Variants in SYNM observed in about 807,000 individuals in gnomAD.
SYNM encodes the protein desmuslin.
A neutral mutation model predicts 104.0 loss-of-function variants in SYNM; 95 were observed. The ratio of observed to expected loss-of-function variants is 0.91; its 90% CI spans 0.77 to 1.08. SYNM has a LOEUF of 1.08. SYNM is among the 50% of genes least tolerant of loss of function. SYNM has a pLI of 0.00. For missense variants in SYNM, 2,150 were observed against 2,052.2 expected, an observed-to-expected ratio of 1.05 and a Z score of -0.92; for synonymous variants, 918 against 869.0, an observed-to-expected ratio of 1.06 and a Z score of -0.99.
In SYNM at chr15:99,132,515, A is replaced by T; in HGVS notation, c.4155A>T (p.Ala1385=). The change falls in exon 4 of 4, where the codon GCA becomes GCT. Residue 1385 remains alanine (A), a synonymous_variant. Transcript: ENST00000336292. ...CTGAATCTCCCCAGGAGGATAGTGC[A>T]GAGGACACATCAGGGGCAGAAATGA... ...VVSESPQEDS[A]EDTSGAEMTS... The T allele has an allele frequency of 6.2e-7, 1 of 1,614,056 alleles. No homozygotes were observed. The highest frequency in any genetic ancestry group is 8.5e-7 in the Non-Finnish European group (1 of 1,179,898).
intron 1 of SYNM, among the ~76,000 whole-genome samples, chr15:99,109,435 T>C (rs1304375580): frequency 6.6e-6 from 1 of 152,180 alleles, no homozygotes; most frequent in Admixed American, 6.5e-5. Flanking sequence ...GGAAAAGGCT[T>C]CCAAGCCCCC....
At chr15:99,109,884 T>C (rs62025375) in intron 1 of SYNM, among the ~76,000 whole-genome samples, 11,024 of 152,214 alleles carry the variant, frequency 0.072, 454 homozygotes, top group South Asian at 0.081. Context: ...ACTGCAGGAC[T>C]TGGGCATTTA....
intron 2 of SYNM, among the ~76,000 whole-genome samples, chr15:99,117,268 C>T (rs1242533308): frequency 2.0e-5 from 3 of 152,182 alleles, no homozygotes; most frequent in Non-Finnish European, 4.4e-5. Context: ...CCGAACAGCT[C>T]CAGGCTTAGG....
Position 99,105,912 on chromosome 15 carries a change from G to C in SYNM, c.713G>C (p.Arg238Pro). The change falls in exon 1 of 4, where the codon CGG becomes CCG. Residue 238 changes from arginine to proline, a missense_variant. Coordinates refer to ENST00000336292, the MANE Select transcript of SYNM (RefSeq NM_145728.3). ...RLCAQEAEAL[R>P]REALGLEQLR... The stretch of plus-strand genomic sequence containing the variant: ...TGCGCGCAGGAGGCAGAGGCGCTGC[G>C]GCGCGAGGCGCTCGGGTTGGAGCAG... 2 of 1,532,710 alleles carry C rather than the reference G, an allele frequency of 1.3e-6. No homozygotes were observed. Among genetic ancestry groups the C allele is most frequent in the Non-Finnish European group, 1.7e-6 (2 of 1,144,422 alleles). 94.9% of individuals were successfully genotyped at this position (1,532,710 alleles called of 1,614,324 possible). A position where few individuals can be genotyped will look rare whatever the true frequency, so the allele number is the denominator to read the frequency against.
chr15:99,139,473 A>G, downstream of SYNM: 1 of 1,600,066 alleles, frequency 6.2e-7, no homozygotes, highest in Non-Finnish European at 8.5e-7. Context: ...TCTCCCTTGA[A>G]TGAGAGAAAG....
intron 2 of SYNM, among the ~76,000 whole-genome samples, chr15:99,122,576 C>G (rs536555631): frequency 2.1e-4 from 32 of 152,294 alleles, no homozygotes; most frequent in African/African-American, 7.0e-4. Context: ...TGGCTCACGC[C>G]TGTAATCCTA....
chr15:99,106,589 C>T (rs1236727031), intron 1 of SYNM, among the ~76,000 whole-genome samples: 2 of 152,224 alleles, frequency 1.3e-5, no homozygotes, highest in East Asian at 3.8e-4. Flanking sequence ...AGAGCTTGAT[C>T]GAAGATGTTT....
intron 2 of SYNM, 42 bp from the exon 3 acceptor site, chr15:99,126,680 T>G: frequency 1.3e-6 from 2 of 1,537,458 alleles, no homozygotes; most frequent in Non-Finnish European, 1.8e-6. Context: ...CTTCTTACTC[T>G]TTCGTTTCCT....
intron 2 of SYNM, among the ~76,000 whole-genome samples, chr15:99,114,649 C>T (rs1483777726): frequency 6.6e-6 from 1 of 151,920 alleles, no homozygotes; most frequent in Admixed American, 6.6e-5. Flanking sequence ...TCAAGGTAAC[C>T]AACTCTGATG....
intron 2 of SYNM, among the ~76,000 whole-genome samples, chr15:99,116,385 ACT>A (rs1317945348): frequency 3.3e-5 from 5 of 152,006 alleles, no homozygotes; most frequent in African/African-American, 1.2e-4. Flanking sequence ...AGTGACAGAA[ACT>A]CTCCTCAGAC....
chr15:99,105,225 G>T lies in SYNM; in HGVS notation c.26G>T (p.Gly9Val), dbSNP rs2067218461. ...ATGCTGTCCTGGCGGCTGCAGACGG[G>T]CCCCGAGAAGGCCGAGCTCCAGGAG... MLSWRLQT[G>V]PEKAELQELN... The change falls in exon 1 of 4, where the codon GGC becomes GTC. Residue 9 changes from glycine (G) to valine (V), a missense_variant. Transcript: ENST00000336292. 1.3e-6 allele frequency: 2 copies of T among 1,574,534 alleles called. No individual in the cohort carries two copies. The highest frequency in any genetic ancestry group is 1.7e-6 in the Non-Finnish European group (2 of 1,161,728).
intron 1 of SYNM, among the ~76,000 whole-genome samples, chr15:99,111,345 A>C (rs1173751767): frequency 2.0e-5 from 3 of 152,266 alleles, no homozygotes; most frequent in African/African-American, 7.2e-5. Context: ...GGACACACAT[A>C]CATACATACA....
Position 99,105,263 on chromosome 15 carries a change from C to T in SYNM, c.64C>T (p.Leu22Phe). The T allele has an allele frequency of 1.3e-6, 2 of 1,564,818 alleles. No homozygotes were observed. The highest frequency in any genetic ancestry group is 1.7e-6 in the Non-Finnish European group (2 of 1,155,500). Residue 22 changes from leucine (L) to phenylalanine (F), a missense_variant, in exon 1 of 4, where the codon CTC becomes TTC. Coordinates refer to ENST00000336292, the MANE Select transcript of SYNM (RefSeq NM_145728.3). ...CGAGCTCCAGGAGCTCAACGCCCGGCTCTATGACTACGTGTGTCGGGTGCG... is the reference window on the plus strand; with the variant it reads ...CGAGCTCCAGGAGCTCAACGCCCGGTTCTATGACTACGTGTGTCGGGTGCG... Reference protein sequence around the residue: ...KAELQELNARLYDYVCRVREL... With the variant: ...KAELQELNARFYDYVCRVREL...
Position 99,133,337 on chromosome 15 carries a change from C to T in SYNM, c.*279C>T. On this transcript the variant is annotated 3_prime_UTR_variant, in exon 4 of 4. Coordinates refer to ENST00000336292, the MANE Select transcript of SYNM (RefSeq NM_145728.3). ...TCTCTCCACTTCTGGAGATGAATTT[C>T]TATGTTTTGCACCTGGTCACAGACA... The T allele has an allele frequency of 2.3e-6, 1 of 439,058 alleles. No individual in the cohort carries two copies. Among genetic ancestry groups the T allele is most frequent in the South Asian group, 2.8e-5 (1 of 36,124 alleles). The allele number at this position is 439,058 out of a possible 1,614,324, so 27.2% of individuals were successfully genotyped here.
downstream of SYNM, chr15:99,138,186 C>T (rs2067758222): frequency 6.3e-7 from 1 of 1,593,904 alleles, no homozygotes; most frequent in Admixed American, 1.7e-5. Flanking sequence ...ACACCGTTCC[C>T]ATCCAGCCTT....
In SYNM at chr15:99,132,076, C is replaced by G. The variant is rs1555486035; in HGVS notation, c.3716C>G (p.Pro1239Arg). 1 of 1,613,958 alleles carries G rather than the reference C, an allele frequency of 6.2e-7. No individual in the cohort carries two copies. Among genetic ancestry groups the G allele is most frequent in the Non-Finnish European group, 8.5e-7 (1 of 1,179,884 alleles). ...GAAAAGGAGATTATTTTTCAGGGCCCCATTTCTGCTGCAGGGAAGGTTGGT... is the reference window on the plus strand; with the variant it reads ...GAAAAGGAGATTATTTTTCAGGGCCGCATTTCTGCTGCAGGGAAGGTTGGT... ...HAEKEIIFQG[P>R]ISAAGKVGDY... Residue 1239 changes from proline to arginine, a missense_variant, in exon 4 of 4, where the codon CCC becomes CGC. Physicochemically the swap from Pro to Arg is moderately radical, Grantham distance 103 (BLOSUM62 -2). Coordinates refer to ENST00000336292, the MANE Select transcript of SYNM (RefSeq NM_145728.3).
chr15:99,141,399 G>A, the SYNM span, among the ~76,000 whole-genome samples: 54 of 152,104 alleles, frequency 3.6e-4, no homozygotes, highest in Non-Finnish European at 6.6e-4. Context: ...AGAAGAGCAT[G>A]GGAATGATAT....
chr15:99,124,926 C>T (rs538264536), intron 2 of SYNM, among the ~76,000 whole-genome samples: 2 of 152,308 alleles, frequency 1.3e-5, no homozygotes, highest in South Asian at 4.1e-4. Context: ...TGTATCTTGT[C>T]CCCTGAACCC....
intron 2 of SYNM, among the ~76,000 whole-genome samples, chr15:99,119,236 T>C (rs896701): frequency 0.47 from 71,812 of 151,850 alleles, 17,124 homozygotes; most frequent in Middle Eastern, 0.58. Flanking sequence ...TGGATGATTG[T>C]CAGGTACCAC....
Sources: allele counts gnomAD v4.1 joint callset (sites outside exome capture counted in the v4.1 genomes callset), GRCh38; gene constraint gnomAD v4.1.1; transcripts MANE v1.5; gene names NCBI Gene and HGNC (gene_info 2026-07-23, HGNC 2026-07-21).